Variants in CDKN2B-AS1 observed in about 807,000 individuals in gnomAD.
CDKN2B-AS1 encodes the protein CDKN2B antisense RNA 1 (non-protein coding).
intron 1 of CDKN2B-AS1, among the ~76,000 whole-genome samples, chr9:22,014,125 C>T (rs1025269284): frequency 2.6e-5 from 4 of 151,824 alleles, no homozygotes; most frequent in African/African-American, 9.7e-5. Context: ...TTTACTATTC[C>T]TTCATTTACT....
intron 1 of CDKN2B-AS1, among the ~76,000 whole-genome samples, chr9:22,038,199 T>G (rs1822764586): frequency 6.6e-6 from 1 of 151,502 alleles, no homozygotes; most frequent in South Asian, 2.1e-4. Context: ...AATTATGGAT[T>G]TTTTTTTCAG....
intron 1 of CDKN2B-AS1, chr9:22,031,163 AC>A (rs1822453287): frequency 6.6e-6 from 1 of 152,026 alleles, no homozygotes; most frequent in African/African-American, 2.4e-5. Context: ...AAATTCACTC[AC>A]CCTTTTAAAA....
chr9:22,056,112 T>C (rs1269219637), intron 3 of CDKN2B-AS1: 1 of 149,248 alleles, frequency 6.7e-6, no homozygotes. Flanking sequence ...TGGTGCAATC[T>C]CACCTCCCGG....
intron 4 of CDKN2B-AS1, among the ~76,000 whole-genome samples, chr9:22,068,653 G>A (rs4977756): frequency 0.65 from 98,606 of 152,142 alleles, 32,248 homozygotes; most frequent in Middle Eastern, 0.79. Flanking sequence ...TGCAATGATA[G>A]TAAGATCAGC....
intron 1 of CDKN2B-AS1, among the ~76,000 whole-genome samples, chr9:22,035,325 A>G (rs1351288418): frequency 2.7e-5 from 4 of 149,382 alleles, no homozygotes; most frequent in Non-Finnish European, 3.0e-5. Context: ...AACAAGAACT[A>G]AGATAGAACT....
intron 4 of CDKN2B-AS1, among the ~76,000 whole-genome samples, chr9:22,110,142 A>G (rs972215027): frequency 7.2e-5 from 11 of 152,158 alleles, no homozygotes; most frequent in African/African-American, 2.7e-4. Context: ...TTTGAAATAG[A>G]TACTTAATCC....
chr9:22,099,524 T>C (rs1225173490), intron 4 of CDKN2B-AS1, among the ~76,000 whole-genome samples: 1 of 152,204 alleles, frequency 6.6e-6, no homozygotes, highest in Non-Finnish European at 1.5e-5. Context: ...GTCATTTCTT[T>C]CTGAAATTGG....
In CDKN2B-AS1 at chr9:21,999,607, C is replaced by A. The variant is rs1005660329; in HGVS notation, n.29+4446C>A. On this transcript the variant is annotated intron_variant and non_coding_transcript_variant, in intron 1 of 4. Coordinates refer to ENST00000650946, the Ensembl canonical transcript of CDKN2B-AS1. This position sits in a 1 kb window ranked among gnomAD's most constrained non-coding sequence, Gnocchi z 4.7. ...ATGTAACTTCAGCTAAAGCAATTCACTCCTATATAAATTGCTACAGATAAC... is the reference window on the plus strand; with the variant it reads ...ATGTAACTTCAGCTAAAGCAATTCAATCCTATATAAATTGCTACAGATAAC... 1.1e-4 allele frequency among the ~76,000 whole-genome samples: 17 copies of A among 152,072 alleles called. No individual in the cohort carries two copies. The highest frequency in any genetic ancestry group is 3.9e-4 in the African/African-American group (16 of 41,430).
intron 1 of CDKN2B-AS1, among the ~76,000 whole-genome samples, chr9:22,022,247 C>G (rs1485035751): frequency 6.6e-6 from 1 of 151,756 alleles, no homozygotes; most frequent in East Asian, 1.9e-4. Context: ...CTAATATTCT[C>G]ACTGGGGTGT....
intron 4 of CDKN2B-AS1, among the ~76,000 whole-genome samples, chr9:22,088,089 G>T (rs1422674779): frequency 6.6e-6 from 1 of 152,096 alleles, no homozygotes; most frequent in Non-Finnish European, 1.5e-5. Context: ...TAAATGTCAT[G>T]CAGTGACTTC....
intron 1 of CDKN2B-AS1, among the ~76,000 whole-genome samples, chr9:22,016,011 G>A (rs1252516060): frequency 6.6e-6 from 1 of 152,198 alleles, no homozygotes; most frequent in South Asian, 2.1e-4. Context: ...TGTCAGATGA[G>A]TAGGTCGCGA....
exon 4 of CDKN2B-AS1, chr9:22,056,271 T>C (rs1426131916): frequency 1.4e-5 from 2 of 146,644 alleles, no homozygotes; most frequent in Non-Finnish European, 1.5e-5. Flanking sequence ...GGTTTCACCA[T>C]GTTGGCCAGA....
At chr9:22,078,234 C>T (rs1178358105) in intron 4 of CDKN2B-AS1, among the ~76,000 whole-genome samples, 1 of 152,004 alleles carries the variant, frequency 6.6e-6, no homozygotes, top group Admixed American at 6.6e-5. Flanking sequence ...TCTATTAATG[C>T]AGTTGCTAGT....
intron 4 of CDKN2B-AS1, among the ~76,000 whole-genome samples, chr9:22,085,846 T>G: frequency 6.6e-6 from 1 of 152,128 alleles, no homozygotes; most frequent in East Asian, 1.9e-4. Context: ...CTGTGCCAAA[T>G]GTCTATTTGT....
chr9:22,033,343 C>A (rs1291430057), intron 1 of CDKN2B-AS1, among the ~76,000 whole-genome samples: 1 of 152,162 alleles, frequency 6.6e-6, no homozygotes, highest in Admixed American at 6.5e-5. Context: ...AGGGGCAGAG[C>A]AGATGGTGGG....
At chr9:22,062,881 G>A (rs965780048) in intron 4 of CDKN2B-AS1, among the ~76,000 whole-genome samples, 2 of 151,804 alleles carry the variant, frequency 1.3e-5, no homozygotes, top group African/African-American at 4.8e-5. Flanking sequence ...GAGGGAGGGG[G>A]CAAAGTTGAC....
At chr9:22,120,767 A>G (rs1484892512) in intron 4 of CDKN2B-AS1, 3 of 142,420 alleles carry the variant, frequency 2.1e-5, no homozygotes, top group Non-Finnish European at 4.5e-5. Context: ...TATCATCTCC[A>G]TCATCATTAT....
At chr9:22,062,052 A>G (rs1474405843) in intron 4 of CDKN2B-AS1, 1 of 152,228 alleles carries the variant, frequency 6.6e-6, no homozygotes, top group Non-Finnish European at 1.5e-5. Flanking sequence ...ACAATTTTTT[A>G]GAGTCTCTAG....
intron 4 of CDKN2B-AS1, among the ~76,000 whole-genome samples, chr9:22,060,239 C>T (rs1314730943): frequency 6.6e-6 from 1 of 152,208 alleles, no homozygotes; most frequent in African/African-American, 2.4e-5. Context: ...AACTGAATGC[C>T]TTTAACAGTA....
Sources: gnomAD v4.1 joint callset for allele counts (sites outside exome capture counted in the v4.1 genomes callset) on GRCh38, gnomAD v4.1.1 for gene constraint, Gnocchi (gnomAD v3.1) non-coding constraint, MANE v1.5 for transcripts, NCBI Gene and HGNC (gene_info 2026-07-23, HGNC 2026-07-21) for gene names.